Variants in EEIG1 observed in about 807,000 individuals in gnomAD.
EEIG1 encodes estrogen-induced osteoclastogenesis regulator 1.
At chr9:127,943,679 C>T in the EEIG1 span, 1 of 170,746 alleles carries the variant, frequency 5.9e-6, no homozygotes, top group Admixed American at 5.9e-5. Context: ...GCTGTGATCT[C>T]GCTCCCAACC....
At chr9:127,948,416 T>A in the EEIG1 span, 2 of 1,613,920 alleles carry the variant, frequency 1.2e-6, no homozygotes, top group Admixed American at 3.3e-5. Context: ...AATGGTGACC[T>A]GTGGCGAGGG....
chr9:127,979,937 T>C, the EEIG1 span: 6 of 1,572,536 alleles, frequency 3.8e-6, no homozygotes, highest in African/African-American at 8.2e-5. Context: ...TTGCCAAGTG[T>C]CTAGGTCTCG....
At chr9:127,971,316 T>TC in the EEIG1 span, among the ~76,000 whole-genome samples, 2 of 152,040 alleles carry the variant, frequency 1.3e-5, no homozygotes, top group African/African-American at 4.8e-5. Context: ...ACTGCCAAGG[T>TC]CCAATTGCCG....
the EEIG1 span, chr9:127,944,930 C>A: frequency 1.2e-5 from 19 of 1,602,174 alleles, no homozygotes; most frequent in Non-Finnish European, 1.6e-5. Flanking sequence ...CAAGTCACAA[C>A]GGTCAGGGCA....
the EEIG1 span, chr9:127,945,689 G>C: frequency 6.3e-7 from 1 of 1,594,138 alleles, no homozygotes; most frequent in Non-Finnish European, 8.5e-7. This position sits in a 1 kb window ranked among gnomAD's most constrained non-coding sequence, Gnocchi z 6.5. Flanking sequence ...TGGAGTTGCG[G>C]GAGTGGCCAG....
chr9:127,948,217 G>A, the EEIG1 span: 10 of 1,613,912 alleles, frequency 6.2e-6, no homozygotes, highest in Admixed American at 5.0e-5. Context: ...CTTGGCAGTC[G>A]ATGGTGGCCT....
At chr9:127,962,234 A>AC in the EEIG1 span, among the ~76,000 whole-genome samples, 4 of 152,250 alleles carry the variant, frequency 2.6e-5, no homozygotes, top group Non-Finnish European at 5.9e-5. Context: ...CACAGAAAAC[A>AC]GGAGATGCCC....
chr9:127,965,686 C>T, the EEIG1 span, among the ~76,000 whole-genome samples: 1 of 152,230 alleles, frequency 6.6e-6, no homozygotes. Flanking sequence ...CTGATGAAAC[C>T]CAGCCCAGGC....
At chr9:127,956,411 T>C in the EEIG1 span, among the ~76,000 whole-genome samples, 66 of 152,334 alleles carry the variant, frequency 4.3e-4, 2 homozygotes, top group East Asian at 0.013. Flanking sequence ...TATTTTGTTT[T>C]ATTTATTTAT....
the EEIG1 span, among the ~76,000 whole-genome samples, chr9:127,963,114 AGGTG>A: frequency 1.3e-5 from 2 of 152,230 alleles, no homozygotes; most frequent in Non-Finnish European, 2.9e-5. Context: ...GTCTGACCAA[AGGTG>A]GGGTGGAAGG....
At chr9:127,952,346 T>C in the EEIG1 span, among the ~76,000 whole-genome samples, 5 of 152,194 alleles carry the variant, frequency 3.3e-5, no homozygotes, top group African/African-American at 1.2e-4. Context: ...GGCGAAGGCA[T>C]TTCCCCTCCC....
At chr9:127,953,938 G>A in the EEIG1 span, 9 of 1,613,256 alleles carry the variant, frequency 5.6e-6, no homozygotes, top group Non-Finnish European at 7.6e-6. Context: ...GTGGGCCAGA[G>A]GCGACAGGTG....
chr9:127,949,791 G>A, the EEIG1 span, among the ~76,000 whole-genome samples: 8 of 152,240 alleles, frequency 5.3e-5, no homozygotes, highest in African/African-American at 1.9e-4. Flanking sequence ...AACAGAGGAA[G>A]AGAGGTGTGC....
the EEIG1 span, chr9:127,944,704 G>T: frequency 5.6e-6 from 9 of 1,612,630 alleles, no homozygotes; most frequent in African/African-American, 4.0e-5. Context: ...CACAGGAGAG[G>T]ATGGAGGCTG....
the EEIG1 span, chr9:127,943,113 G>A: frequency 7.3e-7 from 1 of 1,378,654 alleles, no homozygotes; most frequent in Admixed American, 1.7e-5. Flanking sequence ...GTGATCTGAA[G>A]GGGAAAGTTC....
the EEIG1 span, chr9:127,945,805 G>A: frequency 8.1e-7 from 1 of 1,239,164 alleles, no homozygotes; most frequent in Non-Finnish European, 1.2e-6. The surrounding 1 kb of genome is among the most constrained non-coding windows in gnomAD (Gnocchi z 6.5). Flanking sequence ...ACCCAGTGCT[G>A]CTCACTGTCG....
At chr9:127,943,373 G>A in the EEIG1 span, 3 of 797,148 alleles carry the variant, frequency 3.8e-6, no homozygotes, top group South Asian at 4.4e-5. Flanking sequence ...CTAAAACCGT[G>A]CCCCAGCGAT....
At chr9:127,944,374 T>C in the EEIG1 span, 1 of 592,826 alleles carries the variant, frequency 1.7e-6, no homozygotes, top group Non-Finnish European at 3.0e-6. Context: ...GAGGTGACCT[T>C]GTGAACTGTG....
chr9:127,970,175 G>A, the EEIG1 span, among the ~76,000 whole-genome samples: 1,917 of 152,026 alleles, frequency 0.013, 113 homozygotes, highest in East Asian at 0.19. Context: ...GTGCAGTGGC[G>A]CGATCTCCGC....
Sources: gnomAD v4.1 joint callset for allele counts (sites outside exome capture counted in the v4.1 genomes callset) on GRCh38, gnomAD v4.1.1 for gene constraint, Gnocchi (gnomAD v3.1) non-coding constraint, MANE v1.5 for transcripts, NCBI Gene and HGNC (gene_info 2026-07-23, HGNC 2026-07-21) for gene names.